The following KCNQ1 variants were observed in gnomAD, a reference collection of about 807,000 sequenced individuals.
KCNQ1 encodes potassium voltage-gated channel subfamily KQT member 1.
In KCNQ1, 49 loss-of-function variants were observed where a neutral mutation model predicts 72.4. The ratio of observed to expected loss-of-function variants is 0.68; its 90% confidence interval spans 0.54 to 0.86. KCNQ1 has a LOEUF of 0.86. Ranked by LOEUF, KCNQ1 falls within the 40% of genes least tolerant of loss-of-function variation. The pLI is 0.00. For synonymous variants in KCNQ1, 450 were observed against 412.6 expected (o/e 1.09, Z -1.10); for missense variants, 790 against 945.1 (o/e 0.84, Z 2.15).
At chr11:2,604,483 CAAAAA>C (rs1490458964) in intron 10 of KCNQ1, among the ~76,000 whole-genome samples, 1 of 151,314 alleles carries the variant, frequency 6.6e-6, no homozygotes, top group Non-Finnish European at 1.5e-5. Context: ...TTCAAAAAAA[CAAAAA>C]GAAAGGAAGA....
Position 2,691,124 on chromosome 11 carries a change from G to A in KCNQ1, c.1514+29043G>A. 1 of 398,704 alleles carries A rather than the reference G, an allele frequency of 2.5e-6. No individual in the cohort carries two copies. Among genetic ancestry groups the A allele is most frequent in the Non-Finnish European group, 4.4e-6 (1 of 226,120 alleles). The allele number at this position is 398,704 out of a possible 1,614,324, so 24.7% of individuals were successfully genotyped here. On this transcript the variant is annotated intron_variant, in intron 11 of 15. Coordinates refer to ENST00000155840, the MANE Select transcript of KCNQ1 (RefSeq NM_000218.3). This position sits in a 1 kb window ranked among gnomAD's most constrained non-coding sequence, Gnocchi z 6.4. ...CAACAGTAGGGGTGGAGGCTGTGCA[G>A]ACCTGGTGCAGAGTCTGTGCTGGCC...
intron 11 of KCNQ1, among the ~76,000 whole-genome samples, chr11:2,709,292 GAGAAATATC>G: frequency 7.6e-6 from 1 of 132,082 alleles, no homozygotes; most frequent in Non-Finnish European, 1.5e-5. Context: ...CTTTCAGCAT[GAGAAATATC>G]AAACCTGGGA....
rs1209779637 is a variant in KCNQ1 at position 2,825,414 on chromosome 11, G to T, written c.1795-22353G>T. On this transcript the variant is annotated intron_variant, in intron 15 of 15. Coordinates refer to ENST00000155840, the MANE Select transcript of KCNQ1 (RefSeq NM_000218.3). ...TGTGGGAAGGTGCCAGGGGCCCCGG[G>T]TGCTGGAAGAGCAAGCACCACGCGG... Among the ~76,000 whole-genome samples the T allele has an allele frequency of 2.0e-5, 3 of 152,278 alleles. No homozygotes were observed. In the East Asian group the frequency reaches 5.8e-4, roughly 29 times the overall value.
At chr11:2,586,661 A>T (rs960860480) in intron 8 of KCNQ1, among the ~76,000 whole-genome samples, 1 of 151,980 alleles carries the variant, frequency 6.6e-6, no homozygotes, top group African/African-American at 2.4e-5. Flanking sequence ...TGTGTGTAAC[A>T]CTCGGGCCTT....
At chr11:2,503,600 T>C (rs944189117) in intron 1 of KCNQ1, among the ~76,000 whole-genome samples, 1 of 150,978 alleles carries the variant, frequency 6.6e-6, no homozygotes, top group Non-Finnish European at 1.5e-5. Flanking sequence ...AAATGACGAG[T>C]TAATGGGTGC....
chr11:2,728,190 C>T (rs965510859), intron 11 of KCNQ1, among the ~76,000 whole-genome samples: 7 of 152,140 alleles, frequency 4.6e-5, no homozygotes, highest in Admixed American at 3.9e-4. Context: ...CTCTTTTGCC[C>T]CCTCCACCTC....
At position 2,734,996 on chromosome 11, in the gene KCNQ1, C is replaced by T. The variant is rs979642365; in HGVS notation, c.1515-33848C>T. Among the ~76,000 whole-genome samples, 1 of 152,064 alleles carries T rather than the reference C, an allele frequency of 6.6e-6. No homozygotes were observed. Among genetic ancestry groups the T allele is most frequent in the African/African-American group, 2.4e-5 (1 of 41,412 alleles). ...TGCCCAGCCGGCTGTGCACGCTGCC[C>T]CAGGCTGGTGGGGTAAGCGCCTCGG... On this transcript the variant is annotated intron_variant, in intron 11 of 15. Coordinates refer to ENST00000155840, the MANE Select transcript of KCNQ1 (RefSeq NM_000218.3). The surrounding 1 kb of genome is among the most constrained non-coding windows in gnomAD (Gnocchi z 7.0).
At position 2,676,251 on chromosome 11, in the gene KCNQ1, G is replaced by A; in HGVS notation, c.1514+14170G>A. 1 of 398,644 alleles carries A rather than the reference G, an allele frequency of 2.5e-6. No homozygotes were observed. The highest frequency in any genetic ancestry group is 3.6e-5 in the East Asian group (1 of 28,084). 24.7% of individuals were successfully genotyped at this position (398,644 alleles called of 1,614,324 possible). A position where few individuals can be genotyped will look rare whatever the true frequency, so the allele number is the denominator to read the frequency against. ...ATTTATTATGGTGCAGTACATCTGA[G>A]AAGCATTTTTATTGCAAAATGTGTG... On this transcript the variant is annotated intron_variant, in intron 11 of 15. Transcript: ENST00000155840. This position sits in a 1 kb window ranked among gnomAD's most constrained non-coding sequence, Gnocchi z 4.2.
rs933400131 is a variant in KCNQ1 at position 2,769,216 on chromosome 11, G to A, written c.1590+297G>A. Among the ~76,000 whole-genome samples, 2 of 152,122 alleles carry A rather than the reference G, an allele frequency of 1.3e-5. No homozygotes were observed. Among genetic ancestry groups the A allele is most frequent in the African/African-American group, 4.8e-5 (2 of 41,438 alleles). ...GTAGCTCACTCAGTCCTCCCGTGGG[G>A]TGGGTCGTGCAAGGCAGCATTAGTG... On this transcript the variant is annotated intron_variant, in intron 12 of 15. Transcript: ENST00000155840. The surrounding 1 kb of genome is among the most constrained non-coding windows in gnomAD (Gnocchi z 4.6).
At chr11:2,741,201 G>A (rs1846043576) in intron 11 of KCNQ1, among the ~76,000 whole-genome samples, 1 of 152,220 alleles carries the variant, frequency 6.6e-6, no homozygotes, top group South Asian at 2.1e-4. Context: ...CTCAGAGACA[G>A]GGGAGGCCCC....
In KCNQ1 at chr11:2,458,436, G is replaced by A. The variant is rs767630671; in HGVS notation, c.386+12952G>A. 6.6e-6 allele frequency among the ~76,000 whole-genome samples: 1 copy of A among 152,242 alleles called. No individual in the cohort carries two copies. The highest frequency in any genetic ancestry group is 1.5e-5 in the Non-Finnish European group (1 of 68,050). On this transcript the variant is annotated intron_variant, in intron 1 of 15. Coordinates refer to ENST00000155840, the MANE Select transcript of KCNQ1 (RefSeq NM_000218.3). The surrounding 1 kb of genome is among the most constrained non-coding windows in gnomAD (Gnocchi z 4.6). The stretch of plus-strand genomic sequence containing the variant: ...GTGAACTGTAACTCGGGGAAACCCA[G>A]TAGCTGATGGGGTTGCGTCCTTCTT...
At chr11:2,575,517 C>CA (rs764023274) in intron 6 of KCNQ1, among the ~76,000 whole-genome samples, 3 of 152,232 alleles carry the variant, frequency 2.0e-5, no homozygotes, top group Non-Finnish European at 4.4e-5. Flanking sequence ...GAAGGGGCAG[C>CA]AGCCCAGATG....
intron 1 of KCNQ1, among the ~76,000 whole-genome samples, chr11:2,505,681 T>C (rs1266941946): frequency 1.3e-5 from 2 of 152,242 alleles, no homozygotes; most frequent in Middle Eastern, 3.2e-3. Flanking sequence ...TGGTTATCTG[T>C]AACATCTTCT....
chr11:2,641,512 A>G (rs1849576692), intron 10 of KCNQ1: 1 of 398,176 alleles, frequency 2.5e-6, no homozygotes, highest in East Asian at 3.6e-5. Context: ...GAGTTATTGG[A>G]GTTCCTAGTA....
rs946091249 is a variant in KCNQ1 at position 2,693,527 on chromosome 11, C to T, written c.1514+31446C>T. On this transcript the variant is annotated intron_variant, in intron 11 of 15. Transcript: ENST00000155840. ...ATCCATTTCTTCTCCTGGCTGAGGC[C>T]CGGGCTGCTAGGGAGGTTGAGCCCA... The T allele has an allele frequency of 2.5e-5, 10 of 398,670 alleles. No individual in the cohort carries two copies. In the East Asian group the frequency reaches 3.6e-4, roughly 14 times the overall value. The allele number at this position is 398,670 out of a possible 1,614,324, so 24.7% of individuals were successfully genotyped here.
rs1425144426 is a variant in KCNQ1, at chr11:2,469,767, G to A, written c.386+24283G>A. ...CGGCTCACTGCAAGCTCCGCCTTCCGGGTTCATGCCATTCTCCTGCCTCAG... is the reference window on the plus strand; with the variant it reads ...CGGCTCACTGCAAGCTCCGCCTTCCAGGTTCATGCCATTCTCCTGCCTCAG... On this transcript the variant is annotated intron_variant, in intron 1 of 15. Transcript: ENST00000155840. Among the ~76,000 whole-genome samples the A allele has an allele frequency of 3.9e-5, 6 of 152,006 alleles. No individual in the cohort carries two copies. The South Asian group carries it at 6.2e-4, about 16-fold the overall frequency.
In KCNQ1 at chr11:2,600,882, A is replaced by G. The variant is rs968986944; in HGVS notation, c.1393+12028A>G. 3.9e-5 allele frequency among the ~76,000 whole-genome samples: 6 copies of G among 152,018 alleles called. No individual in the cohort carries two copies. The highest frequency in any genetic ancestry group is 1.2e-4 in the African/African-American group (5 of 41,376). ...TCCTCAGGTTAGATCCACGTTGTGT[A>G]CTCTGTAAGTGACCTGATGTCCTTC... On this transcript the variant is annotated intron_variant, in intron 10 of 15. Coordinates refer to ENST00000155840, the MANE Select transcript of KCNQ1 (RefSeq NM_000218.3). This position sits in a 1 kb window ranked among gnomAD's most constrained non-coding sequence, Gnocchi z 5.6.
At chr11:2,648,981 C>CTTTTTTTT in intron 10 of KCNQ1, 13 of 213,290 alleles carry the variant, frequency 6.1e-5, no homozygotes, top group East Asian at 3.3e-4. Flanking sequence ...TTTTCTTTTT[C>CTTTTTTTT]TTTTTTTTTT....
intron 11 of KCNQ1, among the ~76,000 whole-genome samples, chr11:2,716,974 G>A (rs968826146): frequency 6.6e-6 from 1 of 152,234 alleles, no homozygotes; most frequent in African/African-American, 2.4e-5. Flanking sequence ...AGTGGTGCCT[G>A]TGGAGCTGTT....
Sources: allele counts gnomAD v4.1 joint callset (sites outside exome capture counted in the v4.1 genomes callset), GRCh38; gene constraint gnomAD v4.1.1; non-coding constraint Gnocchi (gnomAD v3.1); transcripts MANE v1.5; gene names NCBI Gene and HGNC (gene_info 2026-07-23, HGNC 2026-07-21).